AGMAT: variants seen among roughly 807,000 people sequenced by gnomAD.
AGMAT encodes agmatinase (putative).
AGMAT carries 37 observed loss-of-function variants against 29.3 expected under a neutral mutation model. That is an observed-to-expected ratio of 1.26 (90% CI 0.97 to 1.66). AGMAT has a LOEUF of 1.66. AGMAT is among the 40% of genes most tolerant of loss of function. AGMAT has a pLI of 0.00. For missense variants in AGMAT, 498 were observed against 497.8 expected, an observed-to-expected ratio of 1.00 and a Z score of 0.00; for synonymous variants, 199 against 200.8, an observed-to-expected ratio of 0.99 and a Z score of 0.08.
At position 15,584,927 on chromosome 1, in the gene AGMAT, C is replaced by G; in HGVS notation, c.41G>C (p.Gly14Ala). The G allele has an allele frequency of 2.9e-6, 4 of 1,370,180 alleles. No homozygotes were observed. The highest frequency in any genetic ancestry group is 2.8e-6 in the Non-Finnish European group (3 of 1,070,164). 84.9% of individuals were successfully genotyped at this position (1,370,180 alleles called of 1,614,324 possible). ...LLASGCARGP[G>A]PGVGARPAAG... ...GGCAGGACGCGCGCCCACGCCGGGC[C>G]CCGGGCCCCGGGCGCACCCGGACGC... is the stretch of plus-strand genomic sequence containing the variant. Residue 14 changes from glycine to alanine, a missense_variant, in exon 1 of 7, where the codon GGG (glycine) becomes GCG (alanine). Physicochemically the swap from Gly to Ala is moderately conservative, Grantham distance 60 (BLOSUM62 0). Coordinates refer to ENST00000375826, the MANE Select transcript of AGMAT (RefSeq NM_024758.5).
chr1:15,578,963 G>A lies in AGMAT; in HGVS notation c.616C>T (p.Arg206Cys), dbSNP rs199645242. 1.2e-4 allele frequency: 189 copies of A among 1,614,102 alleles called. 1 individual carries two copies. The highest frequency in any genetic ancestry group is 3.2e-4 in the Admixed American group (19 of 60,004). Reference protein sequence around the residue: ...GEKLYHGAPFRRCVDEGLLDC... With the variant: ...GEKLYHGAPFCRCVDEGLLDC... The stretch of plus-strand genomic sequence containing the variant: ...AGGAGACCCTCATCCACACACCGGC[G>A]GAAGGGCGCCCCGTGGTAGAGCTTC... Residue 206 changes from arginine (R) to cysteine (C), a missense_variant, in exon 4 of 7, where the codon CGC becomes TGC. Arg to Cys is a radical substitution (Grantham distance 180). Coordinates refer to ENST00000375826, the MANE Select transcript of AGMAT (RefSeq NM_024758.5).
At position 15,584,971 on chromosome 1, in the gene AGMAT, C is replaced by A; in HGVS notation, c.-4G>T. Reference sequence around the variant, plus strand: ...CGGACGCCAGCAGCCTCAGCATTGCCGCGCGCGGCCAAGACCTCACCGACC... The same window carrying A: ...CGGACGCCAGCAGCCTCAGCATTGCAGCGCGCGGCCAAGACCTCACCGACC... On this transcript the variant is annotated 5_prime_UTR_variant, in exon 1 of 7. Transcript: ENST00000375826. 7.5e-7 allele frequency: 1 copy of A among 1,329,284 alleles called. No individual in the cohort carries two copies. Among genetic ancestry groups the A allele is most frequent in the South Asian group, 2.1e-5 (1 of 47,968 alleles). 82.3% of individuals were successfully genotyped at this position (1,329,284 alleles called of 1,614,324 possible).
Position 15,573,449 on chromosome 1 carries a change from C to T in AGMAT, c.*202G>A, listed in dbSNP as rs55654724. ...GCAGTACAAGTACTCCTTTTTTTTT[C>T]CCCCAATTAATCCAAGTTCCTTAGA... is the stretch of plus-strand genomic sequence containing the variant. On this transcript the variant is annotated 3_prime_UTR_variant, in exon 7 of 7. Coordinates refer to ENST00000375826, the MANE Select transcript of AGMAT (RefSeq NM_024758.5). 16 of 495,458 alleles carry T rather than the reference C, an allele frequency of 3.2e-5. No homozygotes were observed. Among genetic ancestry groups the T allele is most frequent in the East Asian group, 6.6e-5 (2 of 30,476 alleles). The allele number at this position is 495,458 out of a possible 1,614,324, so 30.7% of individuals were successfully genotyped here.
rs970232350 is a variant in AGMAT, at chr1:15,572,974, G to C, written c.*677C>G. 1 of 151,988 alleles carries C rather than the reference G, an allele frequency of 6.6e-6. No homozygotes were observed. Among genetic ancestry groups the C allele is most frequent in the Non-Finnish European group, 1.5e-5 (1 of 68,080 alleles). The allele number at this position is 151,988 out of a possible 1,614,324, so 9.4% of individuals were successfully genotyped here. ...AAGCAGATCATCAAAATTTTAAAAA[G>C]CGGCTGGGTGCGGTGGCTCATGCCT... On this transcript the variant is annotated 3_prime_UTR_variant, in exon 7 of 7. Transcript: ENST00000375826.
chr1:15,582,363 T>C (rs907592021), intron 2 of AGMAT, among the ~76,000 whole-genome samples: 5 of 152,058 alleles, frequency 3.3e-5, no homozygotes, highest in Non-Finnish European at 5.9e-5. Flanking sequence ...AGTGAGTAGG[T>C]GTTACTGTGA....
Position 15,583,269 on chromosome 1 carries a change from G to C in AGMAT, c.399C>G (p.Asn133Lys). The C allele has an allele frequency of 1.2e-6, 2 of 1,614,188 alleles. No homozygotes were observed. The highest frequency in any genetic ancestry group is 1.7e-6 in the Non-Finnish European group (2 of 1,180,050). ...GAATTCGCCGGCAGCTGTCCTGAAG[G>C]TTGTAAAGATTGACATTCACATCGC... ...DLGDVNVNLYNLQDSCRRIQE... is the reference protein window; with the variant it reads ...DLGDVNVNLYKLQDSCRRIQE... The change falls in exon 2 of 7, where the codon AAC becomes AAG. Residue 133 changes from asparagine (N) to lysine (K), a missense_variant. By Grantham distance (94) the Asn-to-Lys change is moderately conservative. Transcript: ENST00000375826.
At chr1:15,577,598 T>G in intron 5 of AGMAT, 87 bp downstream of exon 5, 1 of 1,375,664 alleles carries the variant, frequency 7.3e-7, no homozygotes, top group East Asian at 2.3e-5. Context: ...AATCCTATCC[T>G]GATTCCTAAA....
intron 2 of AGMAT, among the ~76,000 whole-genome samples, chr1:15,582,207 A>G (rs1012937536): frequency 6.6e-6 from 1 of 152,010 alleles, no homozygotes; most frequent in African/African-American, 2.4e-5. Flanking sequence ...CGGAGGTTGC[A>G]GTGAGCCGAG....
rs1474162585 is a variant in AGMAT at position 15,572,793 on chromosome 1, C to T, written c.*858G>A. The T allele has an allele frequency of 6.6e-6, 1 of 151,748 alleles. No individual in the cohort carries two copies. Among genetic ancestry groups the T allele is most frequent in the Non-Finnish European group, 1.5e-5 (1 of 68,106 alleles). 9.4% of individuals were successfully genotyped at this position (151,748 alleles called of 1,614,324 possible). ...AGTGGTCCTAAAACCAAGATGCAGC[C>T]CTAAGCACCTCATAGGAGAAGCTGT... is the stretch of plus-strand genomic sequence containing the variant. On this transcript the variant is annotated 3_prime_UTR_variant, in exon 7 of 7. Transcript: ENST00000375826.
chr1:15,573,495 A>G lies in AGMAT; in HGVS notation c.*156T>C, dbSNP rs1638989454. 1 of 616,748 alleles carries G rather than the reference A, an allele frequency of 1.6e-6. No individual in the cohort carries two copies. The highest frequency in any genetic ancestry group is 2.9e-6 in the Non-Finnish European group (1 of 346,102). 38.2% of individuals were successfully genotyped at this position (616,748 alleles called of 1,614,324 possible). A position where few individuals can be genotyped will look rare whatever the true frequency, so the allele number is the denominator to read the frequency against. On this transcript the variant is annotated 3_prime_UTR_variant, in exon 7 of 7. Coordinates refer to ENST00000375826, the MANE Select transcript of AGMAT (RefSeq NM_024758.5). ...TTAGAAATGTTGCTGTTTGGGTGAGAATTCTACTGATTATCCCGACTTCAC... is the reference window on the plus strand; with the variant it reads ...TTAGAAATGTTGCTGTTTGGGTGAGGATTCTACTGATTATCCCGACTTCAC...
rs1228887176 is a variant in AGMAT at position 15,573,641 on chromosome 1, A to T, written c.*10T>A. 2.5e-6 allele frequency: 4 copies of T among 1,613,422 alleles called. No individual in the cohort carries two copies. In the Admixed American group the frequency reaches 6.7e-5, roughly 27 times the overall value. ...CGACGCAATCTGTTTTGTCTTGAAG[A>T]GCACAAGACTCAGACGGTTGTCACT... On this transcript the variant is annotated 3_prime_UTR_variant, in exon 7 of 7. Coordinates refer to ENST00000375826, the MANE Select transcript of AGMAT (RefSeq NM_024758.5).
chr1:15,578,387 C>T (rs1357299841), intron 4 of AGMAT, among the ~76,000 whole-genome samples: 4 of 152,096 alleles, frequency 2.6e-5, no homozygotes, highest in Non-Finnish European at 4.4e-5. Context: ...CTCCACCTCC[C>T]ACGTTCAAGC....
At chr1:15,580,747 G>A (rs367616696) in intron 2 of AGMAT, among the ~76,000 whole-genome samples, 10 of 151,428 alleles carry the variant, frequency 6.6e-5, no homozygotes, top group Admixed American at 1.3e-4. Flanking sequence ...AGGCCAAGGC[G>A]GGCAGGTCAC....
intron 5 of AGMAT, among the ~76,000 whole-genome samples, chr1:15,576,740 CTTTTT>C (rs59203066): frequency 1.1e-3 from 41 of 35,798 alleles, no homozygotes; most frequent in East Asian, 1.9e-3. Flanking sequence ...GTTTAGTGTT[CTTTTT>C]TTTTTTTTTT....
At chr1:15,581,666 G>A (rs1003820031) in intron 2 of AGMAT, among the ~76,000 whole-genome samples, 3 of 152,024 alleles carry the variant, frequency 2.0e-5, no homozygotes, top group African/African-American at 7.2e-5. Flanking sequence ...CTGAGGTCAG[G>A]AGTTCGAGAC....
In AGMAT at chr1:15,574,743, CTT is replaced by C. The variant is rs761626169; in HGVS notation, c.985+12_985+13del. 6.1e-5 allele frequency: 99 copies of C among 1,611,436 alleles called. 1 individual carries two copies. Among genetic ancestry groups the C allele is most frequent in the Non-Finnish European group, 8.2e-5 (96 of 1,177,826 alleles). ...ACCGGCTGCCCATGGATCTCAGTCTCTTTGCTTACTCACCAGAAAGATCATAC... is the reference window on the plus strand; with the variant it reads ...ACCGGCTGCCCATGGATCTCAGTCTCTGCTTACTCACCAGAAAGATCATAC... On this transcript the variant is annotated intron_variant, in intron 6 of 6. Transcript: ENST00000375826.
intron 5 of AGMAT, among the ~76,000 whole-genome samples, chr1:15,576,894 C>G (rs1350358954): frequency 1.3e-5 from 2 of 150,976 alleles, no homozygotes; most frequent in Non-Finnish European, 3.0e-5. Flanking sequence ...AGATTACAGG[C>G]ACCCGCCACC....
Position 15,583,317 on chromosome 1 carries a change from C to A in AGMAT, c.351G>T (p.Gln117His). The change falls in exon 2 of 7, where the codon CAG becomes CAT. Residue 117 changes from glutamine to histidine, a missense_variant. Transcript: ENST00000375826. Reference sequence around the variant, plus strand: ...CGCCTAGGTCTGCAACCATGAGGGACTGGAAGGGGAGGGCCCCCGTGCTAG... The same window carrying A: ...CGCCTAGGTCTGCAACCATGAGGGAATGGAAGGGGAGGGCCCCCGTGCTAG... ...VNPSTGALPF[Q>H]SLMVADLGDV... 1 of 1,614,118 alleles carries A rather than the reference C, an allele frequency of 6.2e-7. No homozygotes were observed. The highest frequency in any genetic ancestry group is 8.5e-7 in the Non-Finnish European group (1 of 1,180,022).
At chr1:15,575,994 C>T (rs114307319) in intron 5 of AGMAT, 1,610 of 152,244 alleles carry the variant, frequency 0.011, 19 homozygotes, top group Non-Finnish European at 0.013. Context: ...TGGGCTCAAA[C>T]GATCCATCCA....
Sources: allele counts gnomAD v4.1 joint callset (sites outside exome capture counted in the v4.1 genomes callset), GRCh38; gene constraint gnomAD v4.1.1; transcripts MANE v1.5; gene names NCBI Gene and HGNC (gene_info 2026-07-23, HGNC 2026-07-21).